The following SLC44A1 variants were observed in gnomAD, a reference collection of about 807,000 sequenced individuals.
SLC44A1 encodes the protein choline transporter-like protein 1.
A neutral mutation model predicts 79.3 loss-of-function variants in SLC44A1; 26 were observed. That is an observed-to-expected ratio of 0.33 (90% CI 0.24 to 0.46). The LOEUF is 0.46. SLC44A1 is among the 20% of genes least tolerant of loss of function. The pLI is 1.00. For synonymous variants in SLC44A1, 263 were observed against 286.2 expected (o/e 0.92, Z 0.82); for missense variants, 688 against 798.1 (o/e 0.86, Z 1.66).
downstream of SLC44A1, among the ~76,000 whole-genome samples, chr9:105,398,962 A>G (rs1828921781): frequency 6.6e-6 from 1 of 152,218 alleles, no homozygotes; most frequent in Non-Finnish European, 1.5e-5. Context: ...CACACAAAAA[A>G]TCTTTTTAAA....
intron 2 of SLC44A1, among the ~76,000 whole-genome samples, chr9:105,302,252 G>A (rs1830899373): frequency 6.6e-6 from 1 of 152,024 alleles, no homozygotes; most frequent in Non-Finnish European, 1.5e-5. Context: ...TTGCACATTT[G>A]TATAAATATA....
At chr9:105,290,155 G>C (rs1361087962) in intron 1 of SLC44A1, among the ~76,000 whole-genome samples, 1 of 152,138 alleles carries the variant, frequency 6.6e-6, no homozygotes, top group Non-Finnish European at 1.5e-5. Context: ...GGAAAAGAGA[G>C]CAAGATTGGA....
At chr9:105,299,797 G>A (rs1466406518) in intron 2 of SLC44A1, 1 of 985,936 alleles carries the variant, frequency 1.0e-6, no homozygotes, top group Non-Finnish European at 1.2e-6. Context: ...GATTGGAGAT[G>A]AAGGGACCTG....
At chr9:105,303,503 G>C (rs1218571465) in intron 2 of SLC44A1, among the ~76,000 whole-genome samples, 2 of 152,106 alleles carry the variant, frequency 1.3e-5, no homozygotes, top group African/African-American at 4.8e-5. Flanking sequence ...AGTTATTGCT[G>C]CTTACTATGA....
rs1305619647 is a variant in SLC44A1, at chr9:105,392,562, C to T, written c.*3506C>T. On this transcript the variant is annotated 3_prime_UTR_variant, in exon 16 of 16. Transcript: ENST00000374720. ...TAGTAGGGGGTATGAGGCACTGACC[C>T]CTTTATTCTGGACCCAAACTGCTTT... 2.0e-6 allele frequency: 2 copies of T among 985,138 alleles called. No homozygotes were observed. The allele number at this position is 985,138 out of a possible 1,614,324, so 61.0% of individuals were successfully genotyped here. A position where few individuals can be genotyped will look rare whatever the true frequency, so the allele number is the denominator to read the frequency against.
chr9:105,429,104 A>G (rs1427320887), intron 15 of SLC44A1, among the ~76,000 whole-genome samples: 9 of 152,228 alleles, frequency 5.9e-5, no homozygotes, highest in Non-Finnish European at 4.4e-5. Context: ...AAAAAATAAA[A>G]CAAAGCTGCA....
At chr9:105,364,444 G>C in intron 9 of SLC44A1, 111 bp from the exon 10 acceptor site, 1 of 814,998 alleles carries the variant, frequency 1.2e-6, no homozygotes, top group Non-Finnish European at 2.0e-6. Context: ...ATACCACACA[G>C]ATCAGAAGGT....
At chr9:105,325,436 A>G (rs1286610337) in intron 3 of SLC44A1, among the ~76,000 whole-genome samples, 3 of 152,212 alleles carry the variant, frequency 2.0e-5, no homozygotes, top group African/African-American at 7.2e-5. Flanking sequence ...AAAGGAATGT[A>G]TTTCTTATAA....
At chr9:105,374,284 A>T (rs1828206808) in intron 12 of SLC44A1, among the ~76,000 whole-genome samples, 1 of 152,252 alleles carries the variant, frequency 6.6e-6, no homozygotes, top group Admixed American at 6.5e-5. Flanking sequence ...TGAGACATCT[A>T]GGAAAGATTA....
At chr9:105,370,381 G>T (rs1367547941) in intron 12 of SLC44A1, among the ~76,000 whole-genome samples, 1 of 152,092 alleles carries the variant, frequency 6.6e-6, no homozygotes, top group African/African-American at 2.4e-5. Flanking sequence ...CTTTTTTTCA[G>T]TTGGGTTGAA....
rs140479596 is a variant in SLC44A1 at position 105,420,159 on chromosome 9, A to G, written c.1951-18122A>G. ...CATGGTCTCCAAGCCCTCCCCATCCAGGATCCCCGACCCTGACCCTAGCAG... is the reference window on the plus strand; with the variant it reads ...CATGGTCTCCAAGCCCTCCCCATCCGGGATCCCCGACCCTGACCCTAGCAG... On this transcript the variant is annotated intron_variant, in intron 15 of 15. Coordinates refer to the SLC44A1 transcript ENST00000374724. 1.6e-3 allele frequency among the ~76,000 whole-genome samples: 246 copies of G among 152,232 alleles called. 2 individuals carry two copies. The highest frequency in any genetic ancestry group is 5.7e-3 in the African/African-American group (236 of 41,562).
chr9:105,411,777 ATAC>A (rs1829098437), intron 15 of SLC44A1, among the ~76,000 whole-genome samples: 1 of 152,162 alleles, frequency 6.6e-6, no homozygotes, highest in South Asian at 2.1e-4. Flanking sequence ...TTTGGCAGGA[ATAC>A]CACAGAAGGC....
intron 4 of SLC44A1, among the ~76,000 whole-genome samples, chr9:105,342,778 C>T (rs1300402187): frequency 6.6e-6 from 1 of 152,112 alleles, no homozygotes; most frequent in Non-Finnish European, 1.5e-5. Context: ...CCATGGACTG[C>T]ACCAGATGCT....
intron 12 of SLC44A1, among the ~76,000 whole-genome samples, chr9:105,374,030 T>C (rs564964722): frequency 4.6e-5 from 7 of 152,150 alleles, no homozygotes; most frequent in Admixed American, 1.3e-4. Flanking sequence ...GTAAGACTGT[T>C]TTCTCAAAAA....
chr9:105,369,928 C>G (rs1828049039), intron 12 of SLC44A1, among the ~76,000 whole-genome samples: 1 of 152,226 alleles, frequency 6.6e-6, no homozygotes, highest in Admixed American at 6.5e-5. Flanking sequence ...CGTAGGCTAA[C>G]AGGCATCCTT....
intron 13 of SLC44A1, among the ~76,000 whole-genome samples, chr9:105,377,466 A>G (rs1025103096): frequency 5.3e-5 from 8 of 152,064 alleles, no homozygotes; most frequent in Admixed American, 4.6e-4. Context: ...AAATAAAAAG[A>G]TGAGTTGGGC....
intron 15 of SLC44A1, among the ~76,000 whole-genome samples, chr9:105,429,898 G>GTA (rs1213964993): frequency 2.0e-5 from 3 of 147,486 alleles, no homozygotes; most frequent in Non-Finnish European, 2.9e-5. Flanking sequence ...AAAATTACAA[G>GTA]TATATATATA....
At chr9:105,338,372 T>C (rs1277668730) in intron 4 of SLC44A1, among the ~76,000 whole-genome samples, 1 of 152,210 alleles carries the variant, frequency 6.6e-6, no homozygotes, top group African/African-American at 2.4e-5. Flanking sequence ...GCTTTTTGCA[T>C]TATTTTTCCT....
chr9:105,397,604 G>C (rs542653999), downstream of SLC44A1, among the ~76,000 whole-genome samples: 3 of 152,174 alleles, frequency 2.0e-5, no homozygotes, highest in Non-Finnish European at 4.4e-5. Context: ...GAGTTGCCGC[G>C]TGAATGCTAA....
Sources: gnomAD v4.1 joint callset for allele counts (sites outside exome capture counted in the v4.1 genomes callset) on GRCh38, gnomAD v4.1.1 for gene constraint, MANE v1.5 for transcripts, NCBI Gene and HGNC (gene_info 2026-07-23, HGNC 2026-07-21) for gene names.